Variants in RUFY1 observed in about 807,000 individuals in gnomAD.
RUFY1 encodes RUN and FYVE domain-containing protein 1.
RUFY1 carries 54 observed loss-of-function variants against 94.6 expected under a neutral mutation model. The observed-to-expected ratio is 0.57, with a 90% CI of 0.46 to 0.72. RUFY1 has a LOEUF of 0.72. Among genes scored for constraint, RUFY1 ranks in the 30% least tolerant of loss-of-function variants. The pLI is 0.00. For missense variants in RUFY1, 883 were observed against 883.9 expected (o/e 1.00, Z 0.01); for synonymous variants, 396 against 347.3 (o/e 1.14, Z -1.56).
chr5:179,580,241 G>GTGTGTGTGTGTGTGTGTATATATATATA (rs149099074), intron 6 of RUFY1, among the ~76,000 whole-genome samples: 3 of 93,852 alleles, frequency 3.2e-5, no homozygotes, highest in African/African-American at 1.1e-4. Flanking sequence ...GTGTGTGTGT[G>GTGTGTGTGTGTGTGTGTATATATATATA]TATATTTTTT....
chr5:179,560,119 C>T lies in RUFY1; in HGVS notation c.405C>T (p.Gly135=), dbSNP rs1219862906. The T allele has an allele frequency of 1.2e-6, 2 of 1,613,930 alleles. No individual in the cohort carries two copies. The highest frequency in any genetic ancestry group is 2.7e-5 in the African/African-American group (2 of 74,910). ...TGCTCCAGTCGGCTCTGAGCCTGGG[C>T]CGCAGCCTGGATGCGGACCATGCCC... The part of the protein sequence containing the change: ...KVLLQSALSL[G]RSLDADHAPL... The change falls in exon 2 of 18, where the codon GGC becomes GGT. Residue 135 remains glycine (G), a synonymous_variant. Transcript: ENST00000319449.
intron 8 of RUFY1, among the ~76,000 whole-genome samples, chr5:179,589,128 T>C (rs1418571961): frequency 6.6e-6 from 1 of 152,250 alleles, no homozygotes; most frequent in Admixed American, 6.5e-5. Context: ...GTATTATATC[T>C]TAAGTATGTT....
Position 179,596,582 on chromosome 5 carries a change from C to T in RUFY1, c.1532C>T (p.Ala511Val), listed in dbSNP as rs779361259. Residue 511 changes from alanine (A) to valine (V), a missense_variant, in exon 13 of 18, where the codon GCG (alanine) becomes GTG (valine). By Grantham distance (64) the Ala-to-Val change is moderately conservative. Coordinates refer to ENST00000319449, the MANE Select transcript of RUFY1 (RefSeq NM_025158.5). ...MEERLQHSER[A>V]RQGAEERSHK... ...TCCAGGTTGCAGCACTCGGAGCGGG[C>T]GAGGCAGGGGGCTGAGGAGCGGAGC... is the stretch of plus-strand genomic sequence containing the variant. 1.4e-5 allele frequency: 22 copies of T among 1,613,512 alleles called. No individual in the cohort carries two copies. Among genetic ancestry groups the T allele is most frequent in the Non-Finnish European group, 1.9e-5 (22 of 1,179,962 alleles).
intron 12 of RUFY1, 184 bp from the exon 13 acceptor site, chr5:179,596,378 G>A (rs1765640008): frequency 1.3e-6 from 1 of 751,082 alleles, no homozygotes; most frequent in Non-Finnish European, 2.3e-6. Flanking sequence ...CTGAGGTGGG[G>A]AGTTTTGGGA....
intron 2 of RUFY1, among the ~76,000 whole-genome samples, chr5:179,561,700 T>TTTTTGTTG (rs764059834): frequency 1.0e-5 from 1 of 95,540 alleles, no homozygotes; most frequent in Non-Finnish European, 2.1e-5. Context: ...TTTTTTTTTT[T>TTTTTGTTG]TTTGAAGAGT....
At chr5:179,608,787 C>T (rs1044542936) in intron 17 of RUFY1, among the ~76,000 whole-genome samples, 19 of 151,810 alleles carry the variant, frequency 1.3e-4, no homozygotes, top group African/African-American at 3.9e-4. Flanking sequence ...AAAAACTAAC[C>T]GGGCACGGTG....
intron 12 of RUFY1, 64 bp downstream of exon 12, chr5:179,595,027 T>G: frequency 8.5e-7 from 1 of 1,171,628 alleles, no homozygotes; most frequent in Non-Finnish European, 1.3e-6. Context: ...GCCTGGAGAC[T>G]TATTCAGAGT....
At chr5:179,557,560 T>C (rs1259508246) in intron 1 of RUFY1, among the ~76,000 whole-genome samples, 2 of 152,224 alleles carry the variant, frequency 1.3e-5, no homozygotes, top group Non-Finnish European at 2.9e-5. Context: ...CCTTTGCCAA[T>C]ACAGTACTTT....
At chr5:179,577,385 T>G (rs1401061430) in intron 6 of RUFY1, among the ~76,000 whole-genome samples, 3 of 151,344 alleles carry the variant, frequency 2.0e-5, no homozygotes, top group Non-Finnish European at 4.4e-5. Flanking sequence ...GCCAGGCTGA[T>G]CTCGAACTCC....
chr5:179,567,586 T>C, intron 4 of RUFY1, 24 bp downstream of exon 4: 1 of 1,524,358 alleles, frequency 6.6e-7, no homozygotes, highest in South Asian at 1.1e-5. Flanking sequence ...CATGTTTGCT[T>C]ATCTTTTGCT....
chr5:179,607,699 C>G (rs747132860), intron 17 of RUFY1, 40 bp downstream of exon 17: 1 of 1,542,412 alleles, frequency 6.5e-7, no homozygotes, highest in African/African-American at 1.4e-5. Context: ...TGCCCTGAGT[C>G]GTTGCCCGCT....
chr5:179,609,521 C>T lies in RUFY1; in HGVS notation c.*2C>T, dbSNP rs779767794. On this transcript the variant is annotated 3_prime_UTR_variant, in exon 18 of 18. Coordinates refer to ENST00000319449, the MANE Select transcript of RUFY1 (RefSeq NM_025158.5). ...CGCTGCTCCTCCACGGCCTCCTGAA[C>T]GTCCGTCCTCAGGAGCACAGCCTCA... 35 of 1,597,818 alleles carry T rather than the reference C, an allele frequency of 2.2e-5. No individual in the cohort carries two copies. Among genetic ancestry groups the T allele is most frequent in the Middle Eastern group, 1.7e-4 (1 of 5,942 alleles).
At chr5:179,609,313 A>G in intron 17 of RUFY1, 63 bp from the exon 18 acceptor site, 1 of 1,561,242 alleles carries the variant, frequency 6.4e-7, no homozygotes. Context: ...GTCAGGAAGC[A>G]GGGAGGGTGT....
intron 6 of RUFY1, among the ~76,000 whole-genome samples, chr5:179,580,245 A>ATATTTT (rs59300402): frequency 2.4e-5 from 2 of 81,684 alleles, no homozygotes; most frequent in African/African-American, 5.4e-5. Context: ...GTGTGTGTAT[A>ATATTTT]TTTTTTTTTT....
At position 179,609,434 on chromosome 5, in the gene RUFY1, C is replaced by A; in HGVS notation, c.2042C>A (p.Ala681Asp). The change falls in exon 18 of 18, where the codon GCC becomes GAC. Residue 681 changes from alanine (A) to aspartate (D), a missense_variant. Physicochemically the swap from Ala to Asp is moderately radical, Grantham distance 126. Transcript: ENST00000319449. ...FCNTCSSNEL[A>D]LPSYPKPVRV... Reference sequence around the variant, plus strand: ...AACACCTGCTCCAGCAACGAGCTGGCCCTGCCCTCCTACCCCAAGCCGGTG... The same window carrying A: ...AACACCTGCTCCAGCAACGAGCTGGACCTGCCCTCCTACCCCAAGCCGGTG... 5.6e-6 allele frequency: 9 copies of A among 1,612,972 alleles called. No homozygotes were observed. Among genetic ancestry groups the A allele is most frequent in the Non-Finnish European group, 7.6e-6 (9 of 1,179,800 alleles).
At chr5:179,581,438 ATT>A (rs763576066) in intron 7 of RUFY1, among the ~76,000 whole-genome samples, 6,857 of 116,792 alleles carry the variant, frequency 0.059, 186 homozygotes, top group Middle Eastern at 0.075. Flanking sequence ...CTTTATCTTG[ATT>A]TTTTTTTTTT....
At chr5:179,608,023 C>T (rs1431979107) in intron 17 of RUFY1, among the ~76,000 whole-genome samples, 1 of 152,170 alleles carries the variant, frequency 6.6e-6, no homozygotes, top group African/African-American at 2.4e-5. Context: ...CAAAAACAAT[C>T]TATGGGGAAC....
At chr5:179,577,722 G>A (rs941263696) in intron 6 of RUFY1, among the ~76,000 whole-genome samples, 4 of 151,880 alleles carry the variant, frequency 2.6e-5, no homozygotes, top group Non-Finnish European at 5.9e-5. Flanking sequence ...TGTGGGCAGG[G>A]CAGGTTAGGT....
At chr5:179,568,531 C>CT (rs1382687248) in intron 4 of RUFY1, among the ~76,000 whole-genome samples, 3 of 152,190 alleles carry the variant, frequency 2.0e-5, no homozygotes, top group Admixed American at 1.3e-4. Flanking sequence ...TTCACATACT[C>CT]TGAGTAGTTA....
Sources: allele counts gnomAD v4.1 joint callset (sites outside exome capture counted in the v4.1 genomes callset), GRCh38; gene constraint gnomAD v4.1.1; transcripts MANE v1.5; gene names NCBI Gene and HGNC (gene_info 2026-07-23, HGNC 2026-07-21).